The following DOCK2 variants were observed in gnomAD, a reference collection of about 807,000 sequenced individuals.
The protein encoded by DOCK2 is dedicator of cytokinesis 2.
DOCK2 carries 87 observed loss-of-function variants against 248.9 expected under a neutral mutation model. The ratio of observed to expected loss-of-function variants is 0.35; its 90% CI spans 0.29 to 0.42. DOCK2 has a LOEUF of 0.42. DOCK2 is among the 10% of genes least tolerant of loss of function. The probability of loss-of-function intolerance (pLI) is 1.00; values close to 1 mark genes in which losing one functional copy is unlikely to be tolerated. For synonymous variants in DOCK2, 805 were observed against 821.6 expected (o/e 0.98, Z 0.35); for missense variants, 1,747 against 2,300.2 (o/e 0.76, Z 4.92).
intron 27 of DOCK2, among the ~76,000 whole-genome samples, chr5:169,959,724 A>C (rs1777006176): frequency 6.6e-6 from 1 of 152,228 alleles, no homozygotes; most frequent in Non-Finnish European, 1.5e-5. Context: ...TAGATATTTT[A>C]CTAACAGGTG....
At chr5:169,884,580 G>A (rs1483869421) in intron 27 of DOCK2, 1 of 152,156 alleles carries the variant, frequency 6.6e-6, no homozygotes, top group Non-Finnish European at 1.5e-5. Context: ...CTTCAGTGAG[G>A]GAAACTTATC....
At chr5:169,934,516 A>T (rs7732717) in intron 27 of DOCK2, 7,512 of 399,760 alleles carry the variant, frequency 0.019, 435 homozygotes, top group African/African-American at 0.13. Context: ...GCTTATCAGC[A>T]CCCACATTTC....
At chr5:169,920,178 C>G (rs1397755615) in intron 27 of DOCK2, among the ~76,000 whole-genome samples, 1 of 152,108 alleles carries the variant, frequency 6.6e-6, no homozygotes, top group African/African-American at 2.4e-5. Flanking sequence ...AGGTTCAAAC[C>G]CAGGCAGTCC....
chr5:169,765,469 G>A (rs780963282), intron 25 of DOCK2, among the ~76,000 whole-genome samples: 15 of 152,320 alleles, frequency 9.8e-5, no homozygotes, highest in Middle Eastern at 3.4e-3. Flanking sequence ...GAGAAAGGAC[G>A]CACAGATATG....
chr5:169,696,562 T>A (rs1760640938), intron 10 of DOCK2, among the ~76,000 whole-genome samples: 1 of 152,270 alleles, frequency 6.6e-6, no homozygotes, highest in South Asian at 2.1e-4. Context: ...CAACCTGCTT[T>A]ACATAATGTA....
At chr5:169,741,204 C>T (rs1433454361) in intron 22 of DOCK2, among the ~76,000 whole-genome samples, 4 of 152,162 alleles carry the variant, frequency 2.6e-5, no homozygotes, top group African/African-American at 9.7e-5. Context: ...GGTCCATACA[C>T]CTTGATGGTG....
intron 27 of DOCK2, among the ~76,000 whole-genome samples, chr5:169,952,148 G>A (rs914955615): frequency 9.9e-5 from 15 of 152,130 alleles, no homozygotes; most frequent in African/African-American, 3.6e-4. Flanking sequence ...AAAACAGAAA[G>A]GAGGAAAAAG....
At chr5:169,758,553 A>G (rs155341) in intron 23 of DOCK2, among the ~76,000 whole-genome samples, 48,784 of 152,104 alleles carry the variant, frequency 0.32, 11,253 homozygotes, top group African/African-American at 0.64. Context: ...GAGTAAGGTG[A>G]CCATGTAGCT....
intron 26 of DOCK2, among the ~76,000 whole-genome samples, chr5:169,811,656 G>C (rs1007393822): frequency 6.6e-6 from 1 of 152,158 alleles, no homozygotes; most frequent in Non-Finnish European, 1.5e-5. Flanking sequence ...CACTTCCCCA[G>C]CACCTTCTAA....
rs987966249 is a variant in DOCK2 at position 169,671,172 on chromosome 5, G to A, written c.319G>A (p.Val107Met). ...EWGSIWKQLY[V>M]ASKKERFLQV... is the part of the protein sequence containing the mutation. ...GGGAAGCATCTGGAAACAACTCTAT[G>A]TGGTGAGACTCAGAACTCTGCTCCC... Residue 107 changes from valine to methionine, a missense_variant and splice_region_variant, in exon 5 of 52, where the codon GTG (valine) becomes ATG (methionine). Physicochemically the swap from Val to Met is conservative, Grantham distance 21. Transcript: ENST00000520908. 6.2e-7 allele frequency: 1 copy of A among 1,613,816 alleles called. No homozygotes were observed. The highest frequency in any genetic ancestry group is 8.5e-7 in the Non-Finnish European group (1 of 1,179,738).
rs1412410345 is a variant in DOCK2 at position 169,883,552 on chromosome 5, G to A, written c.2799+42700G>A. 8 of 1,551,680 alleles carry A rather than the reference G, an allele frequency of 5.2e-6. No individual in the cohort carries two copies. In the East Asian group the frequency reaches 9.8e-5, roughly 19 times the overall value. On this transcript the variant is annotated intron_variant, in intron 27 of 51. Transcript: ENST00000520908. ...CATTTCCACCAGGGACTTACTGGCT[G>A]TGAGTCTCTTCCTTTTGAAAACTGG...
At chr5:169,733,265 A>T (rs1366128084) in intron 22 of DOCK2, among the ~76,000 whole-genome samples, 4 of 151,960 alleles carry the variant, frequency 2.6e-5, no homozygotes, top group African/African-American at 4.8e-5. Flanking sequence ...TTTATCATAC[A>T]TATTTAACTT....
intron 22 of DOCK2, among the ~76,000 whole-genome samples, chr5:169,725,505 A>T (rs1308493506): frequency 7.8e-6 from 1 of 127,392 alleles, no homozygotes; most frequent in African/African-American, 2.5e-5. Flanking sequence ...TTTATTTATT[A>T]TTTTTCTTTT....
chr5:169,780,189 G>A (rs764484471), intron 25 of DOCK2, among the ~76,000 whole-genome samples: 1 of 152,124 alleles, frequency 6.6e-6, no homozygotes, highest in Non-Finnish European at 1.5e-5. Context: ...AGTTTGCCCT[G>A]GTGATTGCCA....
chr5:169,712,065 G>C lies in DOCK2; in HGVS notation c.1556-55G>C, dbSNP rs1012251413. 17 of 1,613,642 alleles carry C rather than the reference G, an allele frequency of 1.1e-5. No homozygotes were observed. The Admixed American group carries it at 2.5e-4, about 24-fold the overall frequency. ...TCCCCCTAAGGGGAGAAGAATGGAA[G>C]AGCTGGGTGGCCCATGTATCATTTT... On this transcript the variant is annotated intron_variant, in intron 16 of 51. Coordinates refer to ENST00000520908, the MANE Select transcript of DOCK2 (RefSeq NM_004946.3).
At chr5:169,652,902 A>T (rs1757884130) in intron 1 of DOCK2, among the ~76,000 whole-genome samples, 1 of 152,188 alleles carries the variant, frequency 6.6e-6, no homozygotes, top group African/African-American at 2.4e-5. Context: ...AGCATTGGCT[A>T]TTTAGACCCT....
intron 2 of DOCK2, among the ~76,000 whole-genome samples, chr5:169,663,124 C>T (rs923305034): frequency 9.9e-5 from 15 of 152,192 alleles, no homozygotes; most frequent in Non-Finnish European, 8.8e-5. Flanking sequence ...GGGCTACAGG[C>T]CTCATGCAAG....
chr5:169,872,086 G>A (rs930165259), intron 27 of DOCK2, among the ~76,000 whole-genome samples: 10 of 152,166 alleles, frequency 6.6e-5, no homozygotes, highest in African/African-American at 2.4e-4. Context: ...GCCGAGAAGT[G>A]AATGATTCAT....
At chr5:169,643,399 A>T (rs1366311478) in intron 1 of DOCK2, among the ~76,000 whole-genome samples, 1 of 133,454 alleles carries the variant, frequency 7.5e-6, no homozygotes, top group Non-Finnish European at 1.6e-5. Context: ...ATTTTTCCAC[A>T]GACTGATGGG....
Sources: gnomAD v4.1 joint callset for allele counts (sites outside exome capture counted in the v4.1 genomes callset) on GRCh38, gnomAD v4.1.1 for gene constraint, MANE v1.5 for transcripts, NCBI Gene and HGNC (gene_info 2026-07-23, HGNC 2026-07-21) for gene names.